The following ITPR1 variants were observed in gnomAD, a reference collection of about 807,000 sequenced individuals.
ITPR1 encodes the protein inositol 1,4,5-trisphosphate-gated calcium channel ITPR1.
Under a neutral mutation model 318.4 loss-of-function variants are expected in ITPR1, and 96 were observed. That is an observed-to-expected ratio of 0.30 (90% CI 0.26 to 0.36). ITPR1 has a LOEUF of 0.36. Ranked by LOEUF, ITPR1 falls within the 10% of genes least tolerant of loss-of-function variation. The pLI, the probability that ITPR1 is intolerant of heterozygous loss-of-function variation, is 1.00. For synonymous variants in ITPR1, 1,312 were observed against 1,289.9 expected (o/e 1.02, Z -0.37); for missense variants, 2,440 against 3,460.2 (o/e 0.71, Z 7.40).
In ITPR1 at chr3:4,526,613, TG is replaced by T. The variant is rs1372158316; in HGVS notation, c.163+5520del. Among the ~76,000 whole-genome samples the T allele has an allele frequency of 2.0e-5, 3 of 152,262 alleles. No individual in the cohort carries two copies. The East Asian group carries it at 5.8e-4, about 29-fold the overall frequency. On this transcript the variant is annotated intron_variant, in intron 4 of 61. Transcript: ENST00000649015. The stretch of plus-strand genomic sequence containing the variant: ...GCCAATGTTAATACAGCATTTATTT[TG>T]TGCAAAGCACTTCCTTTGAATTATC...
intron 4 of ITPR1, among the ~76,000 whole-genome samples, chr3:4,619,005 A>G (rs1035170945): frequency 3.9e-5 from 6 of 152,196 alleles, no homozygotes; most frequent in African/African-American, 1.4e-4. Flanking sequence ...ACTTTATTGT[A>G]CTTTCATACC....
chr3:4,555,693 C>T lies in ITPR1; in HGVS notation c.163+34599C>T, dbSNP rs181310329. Among the ~76,000 whole-genome samples the T allele has an allele frequency of 2.0e-5, 3 of 152,188 alleles. No homozygotes were observed. In the East Asian group the frequency reaches 5.8e-4, roughly 29 times the overall value. ...TATGGATGTGCCAGAGTGTAATCAG[C>T]CATTCTCTGAGTGATAAAAATTCAA... On this transcript the variant is annotated intron_variant, in intron 4 of 61. Coordinates refer to ENST00000649015, the MANE Select transcript of ITPR1 (RefSeq NM_001378452.1).
chr3:4,806,021 A>G lies in ITPR1; in HGVS notation c.7108-82A>G, dbSNP rs547661486. 7.3e-5 allele frequency: 90 copies of G among 1,232,042 alleles called. 3 individuals are homozygous for G. In the South Asian group the frequency reaches 1.3e-3, roughly 18 times the overall value. 76.3% of individuals were successfully genotyped at this position (1,232,042 alleles called of 1,614,324 possible). On this transcript the variant is annotated intron_variant, in intron 54 of 61. Transcript: ENST00000649015. ...TGTTTGGGCACGGTGACTGAAATAC[A>G]TTTGTGTGAGATGCTCTCGTTGCTC...
At chr3:4,541,773 G>A (rs1406650948) in intron 4 of ITPR1, among the ~76,000 whole-genome samples, 4 of 151,884 alleles carry the variant, frequency 2.6e-5, no homozygotes, top group African/African-American at 7.3e-5. Flanking sequence ...CTACCAGCAC[G>A]TGCCACCATG....
chr3:4,645,371 C>T lies in ITPR1; in HGVS notation c.625-16C>T, dbSNP rs536653326. 4.4e-6 allele frequency: 7 copies of T among 1,586,778 alleles called. No individual in the cohort carries two copies. In the East Asian group the frequency reaches 9.0e-5, roughly 20 times the overall value. On this transcript the variant is annotated splice_polypyrimidine_tract_variant and intron_variant, in intron 8 of 61. Coordinates refer to ENST00000649015, the MANE Select transcript of ITPR1 (RefSeq NM_001378452.1). ...GTGAGGGGTACGTGAAAAAATAACT[C>T]GAATCTGTGTTTCAGGTCAATTCCG... is the stretch of plus-strand genomic sequence containing the variant.
chr3:4,679,541 C>A (rs1474083526), intron 24 of ITPR1, among the ~76,000 whole-genome samples: 1 of 152,192 alleles, frequency 6.6e-6, no homozygotes, highest in Non-Finnish European at 1.5e-5. Context: ...TCTTCCTCCA[C>A]CTGTTTGCTC....
chr3:4,830,076 C>T (rs576781844), intron 60 of ITPR1, among the ~76,000 whole-genome samples: 5 of 145,172 alleles, frequency 3.4e-5, no homozygotes, highest in East Asian at 4.3e-4. Flanking sequence ...TGGGTTCAAG[C>T]GATTCTCCTG....
intron 5 of ITPR1, among the ~76,000 whole-genome samples, chr3:4,631,333 C>A (rs1188802688): frequency 1.3e-5 from 2 of 152,126 alleles, no homozygotes; most frequent in African/African-American, 4.8e-5. Context: ...TGACCTATTT[C>A]TTTATGGTTA....
intron 44 of ITPR1, chr3:4,735,697 G>T (rs990080963): frequency 4.6e-5 from 11 of 237,014 alleles, no homozygotes; most frequent in Non-Finnish European, 8.8e-5. Context: ...TTTTATCCAA[G>T]ATTGTAGGGG....
chr3:4,619,977 A>G (rs2092563930), intron 4 of ITPR1, among the ~76,000 whole-genome samples: 1 of 151,656 alleles, frequency 6.6e-6, no homozygotes, highest in South Asian at 2.1e-4. Flanking sequence ...GTTGCATTTT[A>G]AAGTTATGTG....
At chr3:4,831,463 T>G (rs2050506634) in intron 60 of ITPR1, 1 of 165,106 alleles carries the variant, frequency 6.1e-6, no homozygotes, top group African/African-American at 2.4e-5. Flanking sequence ...CAGCAAGGAG[T>G]GAGTGAAGCA....
intron 32 of ITPR1, among the ~76,000 whole-genome samples, chr3:4,693,124 C>CA (rs574984966): frequency 1.1e-3 from 166 of 151,682 alleles, no homozygotes; most frequent in African/African-American, 3.8e-3. Context: ...AATTCCATCT[C>CA]AAAAAAAATA....
chr3:4,818,312 G>C lies in ITPR1; in HGVS notation c.8028+70G>C. 6 of 1,246,398 alleles carry C rather than the reference G, an allele frequency of 4.8e-6. No homozygotes were observed. In the South Asian group the frequency reaches 1.1e-4, roughly 22 times the overall value. 77.2% of individuals were successfully genotyped at this position (1,246,398 alleles called of 1,614,324 possible). On this transcript the variant is annotated intron_variant, in intron 60 of 61. Coordinates refer to ENST00000649015, the MANE Select transcript of ITPR1 (RefSeq NM_001378452.1). ...CTCAGCTCTGAGCAAGGCCCCAGCA[G>C]CCCATCGGGGAGCTGCACAACAGAA...
intron 2 of ITPR1, among the ~76,000 whole-genome samples, chr3:4,500,909 A>G (rs901095350): frequency 6.6e-6 from 1 of 152,114 alleles, no homozygotes; most frequent in Non-Finnish European, 1.5e-5. Context: ...GCTGGAGTAC[A>G]GTGACATGAT....
chr3:4,709,147 A>AT (rs1158744041), intron 37 of ITPR1, among the ~76,000 whole-genome samples: 1 of 152,206 alleles, frequency 6.6e-6, no homozygotes, highest in African/African-American at 2.4e-5. Flanking sequence ...AAGGGATGCT[A>AT]TGGGGGGAAC....
At chr3:4,843,256 A>G (rs2051500470) in intron 61 of ITPR1, among the ~76,000 whole-genome samples, 1 of 152,196 alleles carries the variant, frequency 6.6e-6, no homozygotes, top group African/African-American at 2.4e-5. Context: ...AGTATCAGTC[A>G]AATGTGTGTG....
intron 36 of ITPR1, among the ~76,000 whole-genome samples, chr3:4,704,142 G>T (rs1303167867): frequency 6.6e-6 from 1 of 152,250 alleles, no homozygotes; most frequent in African/African-American, 2.4e-5. Flanking sequence ...GCCGGGCGCA[G>T]TGGCTCATGC....
At chr3:4,749,890 G>C (rs1157593400) in intron 44 of ITPR1, 1 of 152,768 alleles carries the variant, frequency 6.5e-6, no homozygotes, top group African/African-American at 2.4e-5. Flanking sequence ...GCACTGGAGG[G>C]TCTGGCCAGG....
At chr3:4,527,324 A>T (rs559047942) in intron 4 of ITPR1, among the ~76,000 whole-genome samples, 1 of 152,042 alleles carries the variant, frequency 6.6e-6, no homozygotes, top group East Asian at 1.9e-4. Context: ...CTACGGACAT[A>T]CCCCATCATG....
Sources: allele counts gnomAD v4.1 joint callset (sites outside exome capture counted in the v4.1 genomes callset), GRCh38; gene constraint gnomAD v4.1.1; transcripts MANE v1.5; gene names NCBI Gene and HGNC (gene_info 2026-07-23, HGNC 2026-07-21).